ERICH5: variants seen among roughly 807,000 people sequenced by gnomAD.
ERICH5 encodes glutamate-rich protein 5.
ERICH5 carries 24 observed loss-of-function variants against 28.0 expected under a neutral mutation model. That is an observed-to-expected ratio of 0.86 (90% CI 0.62 to 1.21). The LOEUF is 1.21. Among genes scored for constraint, ERICH5 ranks in the 50% most tolerant of loss-of-function variants. ERICH5 has a pLI of 0.00. For synonymous variants in ERICH5, 163 were observed against 157.6 expected (o/e 1.03, Z -0.25); for missense variants, 421 against 441.2 (o/e 0.95, Z 0.41).
chr8:98,067,894 A>G (rs1814848042), intron 1 of ERICH5, among the ~76,000 whole-genome samples: 1 of 152,118 alleles, frequency 6.6e-6, no homozygotes, highest in Admixed American at 6.5e-5. Flanking sequence ...ATGAGCCACC[A>G]CGCGTGGCCT....
At chr8:98,074,574 T>C (rs909483304) in intron 1 of ERICH5, among the ~76,000 whole-genome samples, 15 of 152,058 alleles carry the variant, frequency 9.9e-5, no homozygotes, top group Non-Finnish European at 1.9e-4. Context: ...AATATTTTTA[T>C]TTTTTGTAAA....
intron 1 of ERICH5, among the ~76,000 whole-genome samples, chr8:98,079,289 G>A (rs1815128606): frequency 6.8e-6 from 1 of 147,664 alleles, no homozygotes; most frequent in Non-Finnish European, 1.5e-5. Flanking sequence ...TCCCACGTCA[G>A]CCTCCTGAGT....
intron 1 of ERICH5, among the ~76,000 whole-genome samples, chr8:98,076,411 G>A (rs1475016530): frequency 2.9e-5 from 4 of 139,390 alleles, no homozygotes; most frequent in East Asian, 2.0e-4. Context: ...TTTTTTCCTC[G>A]TGATCTAGCC....
rs555720262 is a variant in ERICH5 at position 98,083,617 on chromosome 8, C to T, written c.59-5459C>T. Among the ~76,000 whole-genome samples the T allele has an allele frequency of 1.2e-4, 18 of 152,280 alleles. No individual in the cohort carries two copies. The South Asian group carries it at 3.7e-3, about 32-fold the overall frequency. ...ATATTGACACACATGCACACACACA[C>T]ACACCACTACCCTCCTCATTTCCCC... On this transcript the variant is annotated intron_variant, in intron 1 of 2. Coordinates refer to ENST00000318528, the MANE Select transcript of ERICH5 (RefSeq NM_173549.3).
At position 98,089,762 on chromosome 8, in the gene ERICH5, T is replaced by G. The variant is rs769404309; in HGVS notation, c.745T>G (p.Leu249Val). 1 of 1,613,958 alleles carries G rather than the reference T, an allele frequency of 6.2e-7. No homozygotes were observed. The highest frequency in any genetic ancestry group is 2.2e-5 in the East Asian group (1 of 44,898). Residue 249 changes from leucine (L) to valine (V), a missense_variant, in exon 2 of 3, where the codon TTG (leucine) becomes GTG (valine). Leu to Val is a conservative substitution (Grantham distance 32). Transcript: ENST00000318528. ...TGAAGAGCAGCAACTTCAGGCAACATTGGGAAAAGAGGAGCAGCCCCAGCT... is the reference window on the plus strand; with the variant it reads ...TGAAGAGCAGCAACTTCAGGCAACAGTGGGAAAAGAGGAGCAGCCCCAGCT... The part of the protein sequence containing the change: ...TAEEQQLQAT[L>V]GKEEQPQLLE...
In ERICH5 at chr8:98,089,756, G is replaced by C. The variant is rs1815348096; in HGVS notation, c.739G>C (p.Ala247Pro). The C allele has an allele frequency of 1.2e-6, 2 of 1,614,028 alleles. No homozygotes were observed. The highest frequency in any genetic ancestry group is 1.1e-5 in the South Asian group (1 of 91,084). ...VETAEEQQLQ[A>P]TLGKEEQPQL... is the part of the protein sequence containing the mutation. ...AACAGCTGAAGAGCAGCAACTTCAG[G>C]CAACATTGGGAAAAGAGGAGCAGCC... is the stretch of plus-strand genomic sequence containing the variant. Residue 247 changes from alanine to proline, a missense_variant, in exon 2 of 3, where the codon GCA becomes CCA. Transcript: ENST00000318528.
Position 98,089,739 on chromosome 8 carries a change from A to C in ERICH5, c.722A>C (p.Glu241Ala). The change falls in exon 2 of 3, where the codon GAA (glutamate) becomes GCA (alanine). Residue 241 changes from glutamate (E) to alanine (A), a missense_variant. By Grantham distance (107) the Glu-to-Ala change is moderately radical. Transcript: ENST00000318528. ...LEGSQFVETA[E>A]EQQLQATLGK... ...GGAAGTCAGTTTGTGGAAACAGCTG[A>C]AGAGCAGCAACTTCAGGCAACATTG... 1 of 1,614,194 alleles carries C rather than the reference A, an allele frequency of 6.2e-7. No homozygotes were observed. The highest frequency in any genetic ancestry group is 8.5e-7 in the Non-Finnish European group (1 of 1,180,024).
chr8:98,064,674 G>A lies in ERICH5; in HGVS notation c.5G>A (p.Gly2Asp). 6.5e-7 allele frequency: 1 copy of A among 1,535,020 alleles called. No homozygotes were observed. Among genetic ancestry groups the A allele is most frequent in the Non-Finnish European group, 8.8e-7 (1 of 1,141,992 alleles). Residue 2 changes from glycine (G) to aspartate (D), a missense_variant, in exon 1 of 3, where the codon GGC (glycine) becomes GAC (aspartate). Gly to Asp is a moderately conservative substitution (Grantham distance 94, BLOSUM62 -1). Transcript: ENST00000318528. MGCSSSALNKAG... is the reference protein window; with the variant it reads MDCSSSALNKAG... ...CAGGTGTCTGCGCTCCCCGCAATGG[G>A]CTGCTCCAGCAGCGCCCTCAACAAG...
intron 1 of ERICH5, among the ~76,000 whole-genome samples, chr8:98,088,308 A>G (rs908019147): frequency 1.3e-5 from 2 of 152,228 alleles, no homozygotes; most frequent in Non-Finnish European, 2.9e-5. Context: ...ATCACGCCTC[A>G]TGCAACTCTG....
intron 1 of ERICH5, among the ~76,000 whole-genome samples, chr8:98,068,171 A>G (rs1477297518): frequency 1.3e-5 from 2 of 152,124 alleles, no homozygotes; most frequent in African/African-American, 4.8e-5. Context: ...TTATAAATTT[A>G]AATCAGACAG....
intron 1 of ERICH5, among the ~76,000 whole-genome samples, chr8:98,071,884 T>C (rs1814925494): frequency 6.6e-6 from 1 of 150,458 alleles, no homozygotes; most frequent in African/African-American, 2.5e-5. Context: ...CAATCCACAT[T>C]GTTTTTATTT....
intron 1 of ERICH5, among the ~76,000 whole-genome samples, chr8:98,087,273 CA>C (rs1815299617): frequency 6.6e-6 from 1 of 152,022 alleles, no homozygotes; most frequent in Admixed American, 6.5e-5. Flanking sequence ...AAAATTCCTC[CA>C]AAACAGCTAA....
chr8:98,066,008 G>A (rs1171573057), intron 1 of ERICH5, among the ~76,000 whole-genome samples: 3 of 152,178 alleles, frequency 2.0e-5, no homozygotes, highest in African/African-American at 7.2e-5. Flanking sequence ...GCAATGACAA[G>A]TCAGGAAGTA....
Position 98,093,433 on chromosome 8 carries a change from C to G in ERICH5, c.*100C>G. 1.3e-6 allele frequency: 1 copy of G among 750,862 alleles called. No homozygotes were observed. The highest frequency in any genetic ancestry group is 2.7e-5 in the East Asian group (1 of 36,746). The allele number at this position is 750,862 out of a possible 1,614,324, so 46.5% of individuals were successfully genotyped here. On this transcript the variant is annotated 3_prime_UTR_variant, in exon 3 of 3. Coordinates refer to ENST00000318528, the MANE Select transcript of ERICH5 (RefSeq NM_173549.3). ...TTATCTTTCTACATTTACATGTTTT[C>G]TGTAAGGAGTGTGGTTATAGAGAGA...
At chr8:98,086,318 C>A (rs1031882439) in intron 1 of ERICH5, among the ~76,000 whole-genome samples, 1 of 152,076 alleles carries the variant, frequency 6.6e-6, no homozygotes, top group Non-Finnish European at 1.5e-5. Flanking sequence ...CCCCTGATAC[C>A]GCAGGATCCT....
rs1204666938 is a variant in ERICH5 at position 98,079,165 on chromosome 8, CCTTTTTTTTTTTTT to C, written c.59-9910_59-9897del. On this transcript the variant is annotated intron_variant, in intron 1 of 2. Transcript: ENST00000318528. ...ACCACATTTTCCTCTTTTTTTTTTT[CCTTTTTTTTTTTTT>C]TTTTTTTTTGAGACAGGGTCTCTGT... Among the ~76,000 whole-genome samples the C allele has an allele frequency of 2.4e-4, 11 of 46,522 alleles. No individual in the cohort carries two copies. In the East Asian group the frequency reaches 3.3e-3, roughly 14 times the overall value. 30.5% of individuals were successfully genotyped at this position (46,522 alleles called of 152,430 possible).
At chr8:98,078,916 G>T (rs1230603537) in intron 1 of ERICH5, among the ~76,000 whole-genome samples, 1 of 152,166 alleles carries the variant, frequency 6.6e-6, no homozygotes, top group Non-Finnish European at 1.5e-5. Flanking sequence ...TCTCCTGTTT[G>T]TGGACAAAAA....
Position 98,069,979 on chromosome 8 carries a change from A to G in ERICH5, c.58+5252A>G, listed in dbSNP as rs528475000. On this transcript the variant is annotated intron_variant, in intron 1 of 2. Transcript: ENST00000318528. ...TTTGTGATCTTATTTAATCCTCACA[A>G]TAGCCTTAAAACACAAACATTAATT... Among the ~76,000 whole-genome samples, 12 of 152,330 alleles carry G rather than the reference A, an allele frequency of 7.9e-5. No individual in the cohort carries two copies. The East Asian group carries it at 2.3e-3, about 29-fold the overall frequency.
At position 98,093,313 on chromosome 8, in the gene ERICH5, G is replaced by C; in HGVS notation, c.1105G>C (p.Asp369His). ...TKEEETGEVVDLSAAT is the reference protein window; with the variant it reads ...TKEEETGEVVHLSAAT ...AGAAGAAGAAACAGGAGAAGTGGTG[G>C]ACCTTTCAGCAGCCACATAGATAGA... is the stretch of plus-strand genomic sequence containing the variant. The change falls in exon 3 of 3, where the codon GAC becomes CAC. Residue 369 changes from aspartate (D) to histidine (H), a missense_variant. Physicochemically the swap from Asp to His is moderately conservative, Grantham distance 81. Coordinates refer to ENST00000318528, the MANE Select transcript of ERICH5 (RefSeq NM_173549.3). The C allele has an allele frequency of 6.2e-7, 1 of 1,613,638 alleles. No homozygotes were observed. Among genetic ancestry groups the C allele is most frequent in the Non-Finnish European group, 8.5e-7 (1 of 1,179,686 alleles).
Sources: allele counts gnomAD v4.1 joint callset (sites outside exome capture counted in the v4.1 genomes callset), GRCh38; gene constraint gnomAD v4.1.1; transcripts MANE v1.5; gene names NCBI Gene and HGNC (gene_info 2026-07-23, HGNC 2026-07-21).